Variants in TTC3 observed in about 807,000 individuals in gnomAD.
TTC3 encodes the protein tetratricopeptide repeat domain 3.
TTC3 carries 180 observed loss-of-function variants against 249.6 expected under a neutral mutation model. The observed-to-expected ratio is 0.72, with a 90% CI of 0.64 to 0.82. The LOEUF is 0.82. Among genes scored for constraint, TTC3 ranks in the 40% least tolerant of loss-of-function variants. The probability of loss-of-function intolerance (pLI) is 0.00; values close to 1 mark genes in which losing one functional copy is unlikely to be tolerated. For missense variants in TTC3, 2,061 were observed against 2,398.4 expected, an observed-to-expected ratio of 0.86 and a Z score of 2.94; for synonymous variants, 717 against 805.0, an observed-to-expected ratio of 0.89 and a Z score of 1.85.
chr21:37,166,210 G>T (rs181529451), exon 33 of TTC3: 1 of 1,614,074 alleles, frequency 6.2e-7, no homozygotes, highest in Non-Finnish European at 8.5e-7. Flanking sequence ...CCCAGACACC[G>T]CCAGCATACA....
intron 34 of TTC3, among the ~76,000 whole-genome samples, chr21:37,170,097 G>T (rs936851493): frequency 6.6e-6 from 1 of 152,094 alleles, no homozygotes; most frequent in African/African-American, 2.4e-5. Flanking sequence ...TGGGAAAAAA[G>T]AATGTTTATA....
chr21:37,120,401 A>G (rs1392605248), intron 11 of TTC3, among the ~76,000 whole-genome samples: 1 of 152,222 alleles, frequency 6.6e-6, no homozygotes, highest in Non-Finnish European at 1.5e-5. Context: ...TGAGAAAAGT[A>G]TGGAGAAAAG....
intron 7 of TTC3, 26 bp downstream of exon 7, chr21:37,091,439 A>G (rs1467906546): frequency 3.2e-6 from 5 of 1,579,310 alleles, no homozygotes; most frequent in Non-Finnish European, 3.4e-6. Flanking sequence ...TTAAATTGTT[A>G]CTTGACTCAG....
At chr21:37,150,748 G>A (rs1301485193) in intron 24 of TTC3, 72 bp from the exon 25 acceptor site, 1 of 961,710 alleles carries the variant, frequency 1.0e-6, no homozygotes, top group Non-Finnish European at 1.7e-6. Flanking sequence ...TGAAATACTT[G>A]TTACTTGTGG....
intron 9 of TTC3, among the ~76,000 whole-genome samples, chr21:37,095,966 C>T (rs1372229330): frequency 3.3e-5 from 5 of 152,164 alleles, no homozygotes; most frequent in African/African-American, 4.8e-5. Flanking sequence ...TCAGTCAGGC[C>T]GCCTAATATT....
intron 3 of TTC3, 48 bp from the exon 4 acceptor site, chr21:37,088,148 A>T (rs1357440377): frequency 6.9e-7 from 1 of 1,456,116 alleles, no homozygotes; most frequent in Non-Finnish European, 9.1e-7. Flanking sequence ...TTGATTCATT[A>T]AAAAAATGAG....
At chr21:37,170,101 G>A (rs1409052410) in intron 34 of TTC3, among the ~76,000 whole-genome samples, 1 of 152,144 alleles carries the variant, frequency 6.6e-6, no homozygotes, top group Non-Finnish European at 1.5e-5. Flanking sequence ...AAAAAAGAAT[G>A]TTTATATTCA....
intron 35 of TTC3, among the ~76,000 whole-genome samples, chr21:37,181,001 T>C (rs907304168): frequency 2.0e-5 from 3 of 152,198 alleles, no homozygotes; most frequent in Non-Finnish European, 4.4e-5. Context: ...ATATAGCAGA[T>C]ACAGTTGTGT....
At chr21:37,172,797 G>A in intron 35 of TTC3, 53 bp downstream of exon 35, 3 of 1,600,476 alleles carry the variant, frequency 1.9e-6, no homozygotes, top group Non-Finnish European at 2.6e-6. Flanking sequence ...TTAGGAGAAT[G>A]TGAGTGTAGC....
At chr21:37,186,035 A>G (rs2083234295) in intron 37 of TTC3, 1 of 173,788 alleles carries the variant, frequency 5.8e-6, no homozygotes, top group Non-Finnish European at 1.2e-5. Flanking sequence ...TATTGTTGTC[A>G]ACTTTTTTTG....
At chr21:37,174,718 C>T (rs1306742212) in intron 35 of TTC3, among the ~76,000 whole-genome samples, 1 of 152,196 alleles carries the variant, frequency 6.6e-6, no homozygotes, top group Non-Finnish European at 1.5e-5. Flanking sequence ...ATACCACACC[C>T]TAGCACCTCC....
At chr21:37,102,800 C>T (rs1404147708) in intron 10 of TTC3, among the ~76,000 whole-genome samples, 2 of 152,098 alleles carry the variant, frequency 1.3e-5, no homozygotes, top group Non-Finnish European at 2.9e-5. Context: ...AGTTTGAGAC[C>T]ATCCTGGTCA....
chr21:37,090,366 G>A (rs532856592), intron 6 of TTC3, 80 bp downstream of exon 6: 3 of 1,286,728 alleles, frequency 2.3e-6, no homozygotes, highest in Non-Finnish European at 3.4e-6. Flanking sequence ...CCTTGCATTG[G>A]GTCCATACAC....
At chr21:37,088,522 C>T (rs993547668) in intron 4 of TTC3, among the ~76,000 whole-genome samples, 176 bp downstream of exon 4, 2 of 152,096 alleles carry the variant, frequency 1.3e-5, no homozygotes, top group African/African-American at 4.8e-5. Context: ...ATAATTGTAA[C>T]ATAATCAGTG....
chr21:37,157,154 G>C, intron 28 of TTC3: 1 of 1,407,432 alleles, frequency 7.1e-7, no homozygotes, highest in Non-Finnish European at 9.5e-7. Context: ...TGTTCTTCCC[G>C]TCTTAGATAT....
At chr21:37,079,894 T>A (rs1286478725) in intron 1 of TTC3, among the ~76,000 whole-genome samples, 1 of 152,170 alleles carries the variant, frequency 6.6e-6, no homozygotes, top group Non-Finnish European at 1.5e-5. Context: ...TTTTCTCATG[T>A]TGAATATTAT....
chr21:37,166,102 C>T, exon 33 of TTC3: 1 of 1,614,226 alleles, frequency 6.2e-7, no homozygotes. Context: ...GTAATTCCCC[C>T]AAACCGGTTC....
intron 27 of TTC3, among the ~76,000 whole-genome samples, chr21:37,153,491 T>C (rs1187855834): frequency 6.6e-6 from 1 of 152,146 alleles, no homozygotes; most frequent in Non-Finnish European, 1.5e-5. Flanking sequence ...CCTGGCAATG[T>C]TGCAAGACCT....
chr21:37,168,194 A>G (rs1439705377), intron 34 of TTC3, among the ~76,000 whole-genome samples: 1 of 152,188 alleles, frequency 6.6e-6, no homozygotes, highest in Non-Finnish European at 1.5e-5. Context: ...ATTGATGAAT[A>G]TTTCTCAACA....
Sources: allele counts gnomAD v4.1 joint callset (sites outside exome capture counted in the v4.1 genomes callset), GRCh38; gene constraint gnomAD v4.1.1; transcripts MANE v1.5; gene names NCBI Gene and HGNC (gene_info 2026-07-23, HGNC 2026-07-21).